PCDHGB1: variants seen among roughly 807,000 people sequenced by gnomAD.
PCDHGB1 encodes the protein protocadherin gamma subfamily B, 1, also known as protocadherin gamma-B1.
A neutral mutation model predicts 56.6 loss-of-function variants in PCDHGB1; 34 were observed. The ratio of observed to expected loss-of-function variants is 0.60; its 90% CI spans 0.46 to 0.80. The LOEUF (loss-of-function observed/expected upper bound fraction) is 0.80. PCDHGB1 is among the 30% of genes least tolerant of loss of function. PCDHGB1 has a pLI of 0.00. For synonymous variants in PCDHGB1, 561 were observed against 505.9 expected (o/e 1.11, Z -1.46); for missense variants, 1,278 against 1,204.6 (o/e 1.06, Z -0.90).
At chr5:141,443,871 G>A (rs1395939418) in intron 1 of PCDHGB1, among the ~76,000 whole-genome samples, 1 of 152,112 alleles carries the variant, frequency 6.6e-6, no homozygotes, top group East Asian at 1.9e-4. Context: ...AAAAATTACT[G>A]ATAAGTCAAG....
rs750014647 is a variant in PCDHGB1, at chr5:141,426,649, T to C, written c.2410-68158T>C. 53 of 418,716 alleles carry C rather than the reference T, an allele frequency of 1.3e-4. 1 individual carries two copies. Among genetic ancestry groups the C allele is most frequent in the South Asian group, 6.9e-4 (42 of 60,762 alleles). The allele number at this position is 418,716 out of a possible 1,614,324, so 25.9% of individuals were successfully genotyped here. On this transcript the variant is annotated intron_variant, in intron 1 of 3. Coordinates refer to ENST00000523390, the MANE Select transcript of PCDHGB1 (RefSeq NM_018922.3). Reference sequence around the variant, plus strand: ...AATGTTTTTCACATAAATGTGATGATAGAAGATATAAATGATAACCCACCT... The same window carrying C: ...AATGTTTTTCACATAAATGTGATGACAGAAGATATAAATGATAACCCACCT...
chr5:141,355,318 G>C (rs963609371), intron 1 of PCDHGB1: 4 of 1,613,972 alleles, frequency 2.5e-6, no homozygotes, highest in Non-Finnish European at 3.4e-6. Flanking sequence ...TGAGGAGCAG[G>C]AAGAAGGCTC....
Position 141,394,179 on chromosome 5 carries a change from T to C in PCDHGB1, c.2409+41510T>C. The C allele has an allele frequency of 2.5e-6, 4 of 1,613,868 alleles. No individual in the cohort carries two copies. The South Asian group carries it at 4.4e-5, about 18-fold the overall frequency. On this transcript the variant is annotated intron_variant, in intron 1 of 3. Coordinates refer to ENST00000523390, the MANE Select transcript of PCDHGB1 (RefSeq NM_018922.3). ...CAACCCTCCTACTTTCCCTCATGCC[T>C]CCTACTCAGCGTATATCCTAGAGAA...
chr5:141,494,656 C>CT, intron 1 of PCDHGB1, 151 bp from the exon 2 acceptor site: 1 of 1,478,476 alleles, frequency 6.8e-7, no homozygotes, highest in Non-Finnish European at 9.1e-7. Flanking sequence ...TGTATTTTGT[C>CT]TTTGGAGATG....
intron 1 of PCDHGB1, among the ~76,000 whole-genome samples, chr5:141,448,831 G>C (rs985602153): frequency 4.6e-5 from 7 of 152,096 alleles, no homozygotes; most frequent in Non-Finnish European, 7.4e-5. Flanking sequence ...TGTAGTCCCA[G>C]CTACTCTGGA....
At chr5:141,460,993 A>T (rs1230217075) in intron 1 of PCDHGB1, among the ~76,000 whole-genome samples, 1 of 143,898 alleles carries the variant, frequency 6.9e-6, no homozygotes, top group South Asian at 2.2e-4. Flanking sequence ...GTATATATAT[A>T]TATGTGTATA....
intron 1 of PCDHGB1, chr5:141,399,055 GA>G: frequency 7.4e-6 from 12 of 1,613,844 alleles, no homozygotes; most frequent in Non-Finnish European, 1.0e-5. Context: ...AGAGACCAAG[GA>G]ATATTCAATG....
chr5:141,415,552 G>T (rs1244457142), intron 1 of PCDHGB1: 3 of 1,613,980 alleles, frequency 1.9e-6, no homozygotes, highest in African/African-American at 2.7e-5. Flanking sequence ...TGAGAAAAAC[G>T]ATCCTTTGTC....
chr5:141,370,865 G>T (rs749306291), intron 1 of PCDHGB1: 1 of 1,614,004 alleles, frequency 6.2e-7, no homozygotes, highest in Non-Finnish European at 8.5e-7. Context: ...TGGAATCTGC[G>T]CAAGATCCTG....
In PCDHGB1 at chr5:141,394,525, G is replaced by T; in HGVS notation, c.2409+41856G>T. ...CTGTACCCCGCCCTCCCCACAGACG[G>T]TTCCACTGGCGTGGAGCTGGCGCCC... On this transcript the variant is annotated intron_variant, in intron 1 of 3. Coordinates refer to ENST00000523390, the MANE Select transcript of PCDHGB1 (RefSeq NM_018922.3). 3 of 1,614,228 alleles carry T rather than the reference G, an allele frequency of 1.9e-6. No homozygotes were observed. The East Asian group carries it at 6.7e-5, about 36-fold the overall frequency.
intron 1 of PCDHGB1, chr5:141,433,063 G>T (rs1411651811): frequency 3.1e-6 from 5 of 1,614,176 alleles, no homozygotes; most frequent in Non-Finnish European, 4.2e-6. Flanking sequence ...AGAGTCACCT[G>T]ATCTTCCCCC....
chr5:141,484,922 GC>G (rs869160673), intron 1 of PCDHGB1: 1 of 481,378 alleles, frequency 2.1e-6, no homozygotes, highest in South Asian at 2.8e-5. Context: ...TAACCCTGCT[GC>G]TGTTGGGACG....
At chr5:141,473,858 C>G (rs569473917) in intron 1 of PCDHGB1, among the ~76,000 whole-genome samples, 1 of 152,286 alleles carries the variant, frequency 6.6e-6, no homozygotes, top group Admixed American at 6.5e-5. Flanking sequence ...ATGAACCTCG[C>G]TATTGTGGAG....
At chr5:141,355,020 C>A in intron 1 of PCDHGB1, 1 of 892,726 alleles carries the variant, frequency 1.1e-6, no homozygotes, top group Non-Finnish European at 1.6e-6. Context: ...GAAATTTAAT[C>A]AGAATCACAA....
intron 1 of PCDHGB1, chr5:141,399,859 G>T: frequency 1.2e-6 from 2 of 1,612,844 alleles, no homozygotes; most frequent in Non-Finnish European, 1.7e-6. Context: ...GCCGCGCGCT[G>T]CAGAGCCCGG....
intron 1 of PCDHGB1, among the ~76,000 whole-genome samples, chr5:141,492,964 C>CT (rs2099745347): frequency 6.6e-6 from 1 of 152,354 alleles, no homozygotes; most frequent in Non-Finnish European, 1.5e-5. Context: ...ATCTGACACT[C>CT]TAACAAGTCC....
intron 1 of PCDHGB1, chr5:141,424,576 C>CA (rs2096829154): frequency 6.6e-6 from 1 of 152,132 alleles, no homozygotes; most frequent in African/African-American, 2.4e-5. Context: ...AACCTATTTT[C>CA]AAATGTGCTA....
intron 1 of PCDHGB1, chr5:141,409,339 T>G: frequency 6.2e-7 from 1 of 1,613,954 alleles, no homozygotes; most frequent in South Asian, 1.1e-5. Context: ...TCGGAGGAAA[T>G]GGAGAAGTCA....
chr5:141,407,947 G>C (rs910743144), intron 1 of PCDHGB1: 7 of 561,352 alleles, frequency 1.2e-5, no homozygotes, highest in South Asian at 3.4e-5. Context: ...CGCCGCTGTC[G>C]GCCAGTGCAG....
Sources: allele counts gnomAD v4.1 joint callset (sites outside exome capture counted in the v4.1 genomes callset), GRCh38; gene constraint gnomAD v4.1.1; transcripts MANE v1.5; gene names NCBI Gene and HGNC (gene_info 2026-07-23, HGNC 2026-07-21).